The following CDH13 variants were observed in gnomAD, a reference collection of about 807,000 sequenced individuals.
CDH13 encodes the protein cadherin 13.
CDH13 carries 24 observed loss-of-function variants against 63.8 expected under a neutral mutation model. That is an observed-to-expected ratio of 0.38 (90% CI 0.27 to 0.53). The LOEUF is 0.53. CDH13 is among the 20% of genes least tolerant of loss of function. The pLI is 0.85. For missense variants in CDH13, 1,049 were observed against 903.1 expected, an observed-to-expected ratio of 1.16 and a Z score of -2.07; for synonymous variants, 503 against 355.3, an observed-to-expected ratio of 1.42 and a Z score of -4.67.
intron 10 of CDH13, among the ~76,000 whole-genome samples, chr16:83,708,981 G>T (rs1029708938): frequency 1.3e-5 from 2 of 152,186 alleles, no homozygotes; most frequent in African/African-American, 4.8e-5. Context: ...CCAAGATCAT[G>T]CCACTGCCCT....
chr16:82,988,825 C>T (rs924076326), intron 2 of CDH13, among the ~76,000 whole-genome samples: 2 of 151,168 alleles, frequency 1.3e-5, no homozygotes, highest in African/African-American at 4.9e-5. Flanking sequence ...GATGCTCACT[C>T]AGTAGGTTGC....
chr16:83,022,048 A>G (rs950991105), intron 2 of CDH13, among the ~76,000 whole-genome samples: 5 of 152,216 alleles, frequency 3.3e-5, no homozygotes, highest in African/African-American at 7.2e-5. Flanking sequence ...CATTTGGACC[A>G]GTCTAAAGAG....
intron 1 of CDH13, among the ~76,000 whole-genome samples, chr16:82,645,654 G>A (rs1463077930): frequency 6.6e-6 from 1 of 152,206 alleles, no homozygotes; most frequent in Admixed American, 6.5e-5. Flanking sequence ...AGCACACACA[G>A]GGATTTTTAT....
intron 1 of CDH13, among the ~76,000 whole-genome samples, chr16:82,655,850 A>G (rs1370279811): frequency 3.3e-5 from 5 of 152,174 alleles, no homozygotes; most frequent in African/African-American, 1.2e-4. Flanking sequence ...CCAGATAGGA[A>G]GCAATGCCTT....
chr16:82,922,183 T>G (rs1281766005), intron 2 of CDH13, among the ~76,000 whole-genome samples: 1 of 152,210 alleles, frequency 6.6e-6, no homozygotes, highest in Non-Finnish European at 1.5e-5. Flanking sequence ...GTAAGATTTG[T>G]CAATTTTGTT....
chr16:83,779,405 T>TAAAAAAAAAAAA lies in CDH13; in HGVS notation c.1682-563_1682-562insAAAAAAAAAAAA, dbSNP rs1174439191. Reference sequence around the variant, plus strand: ...CCGGGCGACAGCGCGAGACTCCATCTCAAAAAAAAAAAAAAAAAAAAAAAA... The same window carrying TAAAAAAAAAAAA: ...CCGGGCGACAGCGCGAGACTCCATCTAAAAAAAAAAAACAAAAAAAAAAAAAAAAAAAAAAAA... On this transcript the variant is annotated intron_variant, in intron 11 of 13. Transcript: ENST00000567109. Among the ~76,000 whole-genome samples, 96 of 67,808 alleles carry TAAAAAAAAAAAA rather than the reference T, an allele frequency of 1.4e-3. 36 individuals carry two copies. Among genetic ancestry groups the TAAAAAAAAAAAA allele is most frequent in the African/African-American group, 2.9e-3 (46 of 15,958 alleles). 44.5% of individuals were successfully genotyped at this position (67,808 alleles called of 152,430 possible).
chr16:83,563,441 A>C lies in CDH13; in HGVS notation c.961-39013A>C, dbSNP rs1480846852. Among the ~76,000 whole-genome samples the C allele has an allele frequency of 2.0e-5, 3 of 152,238 alleles. No individual in the cohort carries two copies. In the East Asian group the frequency reaches 5.8e-4, roughly 29 times the overall value. The stretch of plus-strand genomic sequence containing the variant: ...AAAGGTTAAATTTAAGGCAATGTAC[A>C]AAGACAAAGAATGACTTTGAGCAAA... On this transcript the variant is annotated intron_variant, in intron 7 of 13. Transcript: ENST00000567109.
chr16:83,058,163 C>G (rs1428366903), intron 3 of CDH13, among the ~76,000 whole-genome samples: 4 of 152,086 alleles, frequency 2.6e-5, no homozygotes, highest in African/African-American at 9.7e-5. Context: ...TGAGTTACGT[C>G]TTTTATCGGG....
intron 1 of CDH13, among the ~76,000 whole-genome samples, chr16:82,815,036 C>G (rs571359669): frequency 6.6e-6 from 1 of 151,962 alleles, no homozygotes; most frequent in African/African-American, 2.4e-5. Context: ...TTCATATTGG[C>G]CCAGAGAGCT....
chr16:82,991,577 A>G (rs1911661667), intron 2 of CDH13, among the ~76,000 whole-genome samples: 1 of 152,078 alleles, frequency 6.6e-6, no homozygotes, highest in South Asian at 2.1e-4. Flanking sequence ...TCTCACGGCA[A>G]CCTCCAGGAC....
intron 2 of CDH13, among the ~76,000 whole-genome samples, chr16:82,929,678 A>AAAAAAG (rs1303941656): frequency 2.1e-5 from 3 of 145,526 alleles, no homozygotes; most frequent in Non-Finnish European, 4.5e-5. Context: ...AAAAAAAAAA[A>AAAAAAG]AAAAAGAAGA....
chr16:83,368,589 C>T (rs12598798), intron 6 of CDH13, among the ~76,000 whole-genome samples: 4 of 151,270 alleles, frequency 2.6e-5, no homozygotes, highest in Admixed American at 6.6e-5. Flanking sequence ...GTTCTTTAGC[C>T]GTGATTTCTG....
intron 1 of CDH13, among the ~76,000 whole-genome samples, chr16:82,677,983 G>A (rs1394013389): frequency 3.9e-5 from 6 of 152,182 alleles, no homozygotes; most frequent in African/African-American, 1.4e-4. Flanking sequence ...AAAATCTATA[G>A]TTGCAAATCT....
At chr16:83,695,442 C>A (rs1905280855) in intron 10 of CDH13, among the ~76,000 whole-genome samples, 1 of 152,192 alleles carries the variant, frequency 6.6e-6, no homozygotes, top group South Asian at 2.1e-4. Flanking sequence ...TGAGTTCAAC[C>A]TGCGTGGCAG....
At chr16:83,212,662 C>T (rs1431677038) in intron 4 of CDH13, among the ~76,000 whole-genome samples, 1 of 152,178 alleles carries the variant, frequency 6.6e-6, no homozygotes, top group African/African-American at 2.4e-5. Context: ...CGGTGGAAAC[C>T]AGCATCAGTG....
chr16:83,359,613 C>A (rs528907877), intron 6 of CDH13, among the ~76,000 whole-genome samples: 1 of 152,106 alleles, frequency 6.6e-6, no homozygotes, highest in Non-Finnish European at 1.5e-5. Context: ...GCACTTTGTA[C>A]GAGTTTGAAT....
intron 8 of CDH13, among the ~76,000 whole-genome samples, chr16:83,651,865 A>C (rs1053663947): frequency 6.6e-6 from 1 of 152,024 alleles, no homozygotes; most frequent in South Asian, 2.1e-4. Context: ...AAAGTGCTGG[A>C]ATTACAGGCG....
chr16:82,860,584 T>G (rs1026608637), intron 2 of CDH13, among the ~76,000 whole-genome samples: 5 of 151,954 alleles, frequency 3.3e-5, no homozygotes, highest in Non-Finnish European at 5.9e-5. Flanking sequence ...AGTTGTTGGG[T>G]CAGCAAAATT....
At chr16:82,678,074 C>T (rs1408410829) in intron 1 of CDH13, among the ~76,000 whole-genome samples, 2 of 152,106 alleles carry the variant, frequency 1.3e-5, no homozygotes, top group Non-Finnish European at 2.9e-5. Flanking sequence ...CATCTTCTGT[C>T]ATCTTCACCC....
Sources: gnomAD v4.1 joint callset for allele counts (sites outside exome capture counted in the v4.1 genomes callset) on GRCh38, gnomAD v4.1.1 for gene constraint, MANE v1.5 for transcripts, NCBI Gene and HGNC (gene_info 2026-07-23, HGNC 2026-07-21) for gene names.